The following FHOD3 variants were observed in gnomAD, a reference collection of about 807,000 sequenced individuals.
FHOD3 encodes the protein formin homology 2 domain containing 3.
Under a neutral mutation model 173.0 loss-of-function variants are expected in FHOD3, and 90 were observed. The ratio of observed to expected loss-of-function variants is 0.52; its 90% confidence interval spans 0.44 to 0.62. FHOD3 has a LOEUF of 0.62. FHOD3 is among the 20% of genes least tolerant of loss of function. The pLI is 0.00. For missense variants in FHOD3, 1,945 were observed against 2,034.7 expected, an observed-to-expected ratio of 0.96 and a Z score of 0.85; for synonymous variants, 828 against 823.0, an observed-to-expected ratio of 1.01 and a Z score of -0.10.
At chr18:36,367,253 G>T (rs902191109) in intron 2 of FHOD3, among the ~76,000 whole-genome samples, 3 of 152,190 alleles carry the variant, frequency 2.0e-5, no homozygotes, top group African/African-American at 7.2e-5. Flanking sequence ...CTCCATAGGG[G>T]TTTCCTTGAG....
chr18:36,449,130 G>A (rs1157563966), intron 3 of FHOD3, among the ~76,000 whole-genome samples: 1 of 152,072 alleles, frequency 6.6e-6, no homozygotes, highest in Non-Finnish European at 1.5e-5. Context: ...GCTTCAGGTT[G>A]CACAGCAAGG....
intron 21 of FHOD3, among the ~76,000 whole-genome samples, chr18:36,741,599 G>C (rs1446779144): frequency 2.0e-5 from 3 of 152,078 alleles, no homozygotes; most frequent in African/African-American, 7.2e-5. Flanking sequence ...GTGAGACCCT[G>C]TCTCTACAGA....
intron 2 of FHOD3, 56 bp from the exon 3 acceptor site, chr18:36,372,624 G>C: frequency 6.9e-7 from 1 of 1,458,042 alleles, no homozygotes; most frequent in Non-Finnish European, 9.6e-7. Context: ...TTGACAGCAT[G>C]TGAGGTGTCT....
At chr18:36,765,269 A>G (rs998190615) in intron 27 of FHOD3, among the ~76,000 whole-genome samples, 4 of 152,148 alleles carry the variant, frequency 2.6e-5, no homozygotes, top group African/African-American at 7.2e-5. Flanking sequence ...CCTCAAGAAA[A>G]AGAGAGGTGG....
intron 3 of FHOD3, among the ~76,000 whole-genome samples, chr18:36,406,087 T>TTG (rs2049044668): frequency 7.0e-6 from 1 of 143,218 alleles, no homozygotes; most frequent in African/African-American, 2.6e-5. Flanking sequence ...TTTTTTGTTT[T>TTG]TGTTTTTGTT....
At chr18:36,406,872 C>T (rs2049101235) in intron 3 of FHOD3, among the ~76,000 whole-genome samples, 1 of 152,160 alleles carries the variant, frequency 6.6e-6, no homozygotes, top group African/African-American at 2.4e-5. Flanking sequence ...ACCTGGCTTA[C>T]CACGTCACCC....
At chr18:36,337,757 T>G (rs2045397766) in intron 1 of FHOD3, among the ~76,000 whole-genome samples, 1 of 152,184 alleles carries the variant, frequency 6.6e-6, no homozygotes, top group South Asian at 2.1e-4. Context: ...GGGACCAGTC[T>G]TTAATTATAG....
chr18:36,520,077 C>T (rs538457660), intron 5 of FHOD3, among the ~76,000 whole-genome samples: 1 of 151,644 alleles, frequency 6.6e-6, no homozygotes, highest in African/African-American at 2.4e-5. Flanking sequence ...CCTGCCTCAG[C>T]CTCTCTAGTA....
intron 17 of FHOD3, among the ~76,000 whole-genome samples, chr18:36,704,178 A>G (rs1483250125): frequency 1.3e-5 from 2 of 151,974 alleles, no homozygotes; most frequent in Admixed American, 1.3e-4. Context: ...TATTCCCCCT[A>G]CCCCAACCTT....
intron 23 of FHOD3, among the ~76,000 whole-genome samples, chr18:36,745,631 G>A (rs886471063): frequency 1.8e-4 from 27 of 152,158 alleles, no homozygotes; most frequent in African/African-American, 5.3e-4. Context: ...GGCCCTGCTC[G>A]TTGCCTCTGT....
rs1374730894 is a variant in FHOD3 at position 36,612,114 on chromosome 18, T to G, written c.957+19T>G. On this transcript the variant is annotated intron_variant, in intron 9 of 28. Transcript: ENST00000590592. ...TTATGAGGTACCAGACCATGCCTTT[T>G]GTAAGGTATCGTACAGCTTTGGCAA... 12 of 1,610,912 alleles carry G rather than the reference T, an allele frequency of 7.4e-6. No homozygotes were observed. The highest frequency in any genetic ancestry group is 1.7e-5 in the Admixed American group (1 of 59,450).
chr18:36,619,392 A>C (rs1345112047), intron 9 of FHOD3, among the ~76,000 whole-genome samples: 1 of 152,138 alleles, frequency 6.6e-6, no homozygotes. Context: ...AAAATTCTGA[A>C]CGGACTCTTC....
rs569877802 is a variant in FHOD3 at position 36,768,744 on chromosome 18, T to C, written c.4625-521T>C. Among the ~76,000 whole-genome samples the C allele has an allele frequency of 2.0e-5, 3 of 152,334 alleles. No homozygotes were observed. The South Asian group carries it at 6.2e-4, about 32-fold the overall frequency. ...TAATTCAAAGATAAACTGTGTATTA[T>C]AAAATCTATTTCTTTCTACTTAGCG... On this transcript the variant is annotated intron_variant, in intron 27 of 28. Coordinates refer to ENST00000590592, the MANE Select transcript of FHOD3 (RefSeq NM_001281740.3).
chr18:36,586,199 G>A (rs2059021167), intron 6 of FHOD3, among the ~76,000 whole-genome samples: 1 of 152,212 alleles, frequency 6.6e-6, no homozygotes, highest in Admixed American at 6.5e-5. Context: ...TTTTGCACCA[G>A]AGTGAAAGAT....
At chr18:36,614,489 G>A (rs762908983) in intron 9 of FHOD3, among the ~76,000 whole-genome samples, 15 of 152,138 alleles carry the variant, frequency 9.9e-5, no homozygotes, top group Non-Finnish European at 2.1e-4. Flanking sequence ...GTGTACATAC[G>A]TTTTCAGTTC....
At chr18:36,660,853 G>A (rs1446814840) in intron 14 of FHOD3, among the ~76,000 whole-genome samples, 1 of 152,180 alleles carries the variant, frequency 6.6e-6, no homozygotes, top group Non-Finnish European at 1.5e-5. Context: ...GTGGTGGGAT[G>A]ACTCTCCTAA....
At chr18:36,527,878 C>T (rs1350173316) in intron 5 of FHOD3, among the ~76,000 whole-genome samples, 1 of 152,188 alleles carries the variant, frequency 6.6e-6, no homozygotes, top group African/African-American at 2.4e-5. Flanking sequence ...GAGCCCTCCA[C>T]CATCTCAGCT....
At position 36,377,361 on chromosome 18, in the gene FHOD3, G is replaced by GGCTTGCAGA. The variant is rs1365937594; in HGVS notation, c.337+4625_337+4626insAGCTTGCAG. Among the ~76,000 whole-genome samples the GGCTTGCAGA allele has an allele frequency of 3.7e-4, 34 of 91,314 alleles. No homozygotes were observed. In the East Asian group the frequency reaches 0.043, roughly 114 times the overall value. 59.9% of individuals were successfully genotyped at this position (91,314 alleles called of 152,430 possible). The stretch of plus-strand genomic sequence containing the variant: ...TGGTTTCTCATGGCTGAGCCCTCCT[G>GGCTTGCAGA]GCTTGCAGGGAGGCCCCCCTCTAGC... On this transcript the variant is annotated intron_variant, in intron 3 of 28. Transcript: ENST00000590592.
chr18:36,424,463 C>T (rs1037861493), intron 3 of FHOD3, among the ~76,000 whole-genome samples: 3 of 152,136 alleles, frequency 2.0e-5, no homozygotes, highest in African/African-American at 7.2e-5. Flanking sequence ...TGTCCCCTCT[C>T]CTCCTCCTTC....
Sources: gnomAD v4.1 joint callset for allele counts (sites outside exome capture counted in the v4.1 genomes callset) on GRCh38, gnomAD v4.1.1 for gene constraint, MANE v1.5 for transcripts, NCBI Gene and HGNC (gene_info 2026-07-23, HGNC 2026-07-21) for gene names.